Variants in URB1 observed in about 807,000 individuals in gnomAD.
URB1 encodes the protein nucleolar pre-ribosomal-associated protein 1.
Under a neutral mutation model 242.3 loss-of-function variants are expected in URB1, and 197 were observed. The observed-to-expected ratio is 0.81, with a 90% CI of 0.72 to 0.91. URB1 has a LOEUF of 0.91. URB1 is among the 40% of genes least tolerant of loss of function. The probability of loss-of-function intolerance (pLI) is 0.00; values close to 1 mark genes in which losing one functional copy is unlikely to be tolerated. For missense variants in URB1, 2,721 were observed against 2,860.5 expected, an observed-to-expected ratio of 0.95 and a Z score of 1.11; for synonymous variants, 1,153 against 1,201.8, an observed-to-expected ratio of 0.96 and a Z score of 0.84.
Position 32,385,708 on chromosome 21 carries a change from C to T in URB1, c.143-24G>A, listed in dbSNP as rs533344128. The T allele has an allele frequency of 1.3e-4, 202 of 1,549,728 alleles. 2 individuals are homozygous for T. In the African/African-American group the frequency reaches 2.5e-3, roughly 19 times the overall value. On this transcript the variant is annotated intron_variant, in intron 1 of 38. Transcript: ENST00000382751. ...GCCTGAAAAAAAAGTTATGTTCAAA[C>T]ATTAACAAGGTCAGTCTTCTTAGAA...
At position 32,338,732 on chromosome 21, in the gene URB1, C is replaced by T; in HGVS notation, c.4485G>A (p.Glu1495=). The change falls in exon 26 of 39, where the codon GAG becomes GAA. Residue 1495 remains glutamate (E), a synonymous_variant. Transcript: ENST00000382751. ...CTTTTACTTGGCTGTCCGGGCTCTC[C>T]TCTCCGTCAGACGTCAGTAGAGTCG... ...FLPTLLTSDG[E]ESPDSQVKEA... 6.4e-7 allele frequency: 1 copy of T among 1,551,560 alleles called. No individual in the cohort carries two copies. Among genetic ancestry groups the T allele is most frequent in the Non-Finnish European group, 8.7e-7 (1 of 1,146,960 alleles).
intron 30 of URB1, among the ~76,000 whole-genome samples, chr21:32,328,068 T>C (rs1436982844): frequency 1.3e-5 from 2 of 152,192 alleles, no homozygotes; most frequent in Non-Finnish European, 2.9e-5. Context: ...AGACTAAAAG[T>C]GAAAGGATGA....
At chr21:32,345,976 G>C (rs1391010075) in intron 22 of URB1, among the ~76,000 whole-genome samples, 2 of 152,214 alleles carry the variant, frequency 1.3e-5, no homozygotes, top group African/African-American at 4.8e-5. Flanking sequence ...GTTGAAATGT[G>C]ATCTCCAGTG....
chr21:32,318,636 C>T (rs775457470), intron 36 of URB1, among the ~76,000 whole-genome samples: 1 of 152,138 alleles, frequency 6.6e-6, no homozygotes. Flanking sequence ...TAACTTGGCT[C>T]CCAAATCAGA....
At chr21:32,378,230 A>T (rs1377602237) in intron 5 of URB1, among the ~76,000 whole-genome samples, 2 of 152,174 alleles carry the variant, frequency 1.3e-5, no homozygotes, top group Non-Finnish European at 2.9e-5. Flanking sequence ...AGACGGCATA[A>T]CAGGAACAAC....
At chr21:32,328,690 A>G (rs2032859287) in intron 30 of URB1, among the ~76,000 whole-genome samples, 1 of 152,216 alleles carries the variant, frequency 6.6e-6, no homozygotes, top group East Asian at 1.9e-4. Flanking sequence ...ATTTTTAGTA[A>G]TCACTGACAT....
intron 28 of URB1, among the ~76,000 whole-genome samples, chr21:32,336,427 T>C (rs2032960397): frequency 6.6e-6 from 1 of 151,956 alleles, no homozygotes; most frequent in Admixed American, 6.6e-5. Context: ...TAGTCCCAAA[T>C]GGCAAGGAGA....
chr21:32,382,268 G>A (rs554833087), intron 4 of URB1, among the ~76,000 whole-genome samples: 2 of 152,306 alleles, frequency 1.3e-5, no homozygotes, highest in South Asian at 2.1e-4. Flanking sequence ...ATTTGCCCTC[G>A]TCTGCAAATA....
At chr21:32,329,819 G>A (rs1229705452) in intron 30 of URB1, among the ~76,000 whole-genome samples, 1 of 152,202 alleles carries the variant, frequency 6.6e-6, no homozygotes, top group African/African-American at 2.4e-5. Context: ...ATACAGTTGA[G>A]AACTTCTGCT....
intron 30 of URB1, among the ~76,000 whole-genome samples, chr21:32,330,325 G>A (rs902218985): frequency 2.0e-4 from 30 of 149,828 alleles, no homozygotes; most frequent in African/African-American, 7.4e-4. Context: ...TTTCAAATTG[G>A]GATAGGCAAG....
rs2032708588 is a variant in URB1 at position 32,317,683 on chromosome 21, C to T, written c.6027G>A (p.Glu2009=). ...RAAIEKAQAR[E]LMKMLKDKNK... ...CTGGGTTCTGACACTCACTCATGAG[C>T]TCCCGGGCTTGGGCCTTCTCAATGG... Residue 2009 remains glutamate, a synonymous_variant, in exon 37 of 39, where the codon GAG becomes GAA. Coordinates refer to ENST00000382751, the MANE Select transcript of URB1 (RefSeq NM_014825.3). 1 of 1,551,578 alleles carries T rather than the reference C, an allele frequency of 6.4e-7. No individual in the cohort carries two copies. Among genetic ancestry groups the T allele is most frequent in the African/African-American group, 1.4e-5 (1 of 73,054 alleles).
Position 32,378,500 on chromosome 21 carries a change from G to C in URB1, c.609C>G (p.Leu203=). Residue 203 remains leucine, a synonymous_variant, in exon 5 of 39, where the codon CTC becomes CTG. Coordinates refer to ENST00000382751, the MANE Select transcript of URB1 (RefSeq NM_014825.3). ...TGTCATCACCCGCAATTAAAAAGGA[G>C]AGAGCAAACTGAACGTAGGCCTGCC... The part of the protein sequence containing the change: ...DVRQAYVQFA[L]SFLIAGDDST... 6.4e-7 allele frequency: 1 copy of C among 1,551,672 alleles called. No individual in the cohort carries two copies. Among genetic ancestry groups the C allele is most frequent in the Non-Finnish European group, 8.7e-7 (1 of 1,147,002 alleles).
chr21:32,326,373 T>A (rs545727056), intron 30 of URB1, among the ~76,000 whole-genome samples: 1 of 152,212 alleles, frequency 6.6e-6, no homozygotes, highest in East Asian at 1.9e-4. Context: ...TAAGAGATAG[T>A]CCATTGATGA....
In URB1 at chr21:32,325,259, C is replaced by CA; in HGVS notation, c.5090dup (p.Leu1697PhefsTer64). The CA allele has an allele frequency of 6.4e-7, 1 of 1,551,700 alleles. No individual in the cohort carries two copies. The highest frequency in any genetic ancestry group is 8.7e-7 in the Non-Finnish European group (1 of 1,146,974). On this transcript the variant is annotated frameshift_variant, in exon 31 of 39. Coordinates refer to ENST00000382751, the MANE Select transcript of URB1 (RefSeq NM_014825.3). LOFTEE classifies it high-confidence loss of function. ...ACTGCTCTTGGAACCGTGCGCCCTC[C>CA]AAGTGCGAGTAGTAGGCCGCCAGGA...
Position 32,315,036 on chromosome 21 carries a change from T to C in URB1, c.6698A>G (p.Asp2233Gly). 1 of 1,550,830 alleles carries C rather than the reference T, an allele frequency of 6.4e-7. No homozygotes were observed. The highest frequency in any genetic ancestry group is 8.7e-7 in the Non-Finnish European group (1 of 1,146,490). The change falls in exon 39 of 39, where the codon GAC becomes GGC. Residue 2233 changes from aspartate (D) to glycine (G), a missense_variant. Asp to Gly is a moderately conservative substitution (Grantham distance 94). Transcript: ENST00000382751. Reference sequence around the variant, plus strand: ...CATCCGGACGTGGGTTAAGAGGGTGTCCGGCCGCTGAGCCCCCAGCCAGAT... The same window carrying C: ...CATCCGGACGTGGGTTAAGAGGGTGCCCGGCCGCTGAGCCCCCAGCCAGAT... ...KDIWLGAQRP[D>G]TLLTHVRMVC...
chr21:32,384,226 A>C (rs903997114), intron 3 of URB1, 87 bp downstream of exon 3: 6 of 1,443,458 alleles, frequency 4.2e-6, no homozygotes, highest in Non-Finnish European at 5.6e-6. Context: ...CTAGCCATAA[A>C]GGTACTGACC....
intron 30 of URB1, 98 bp downstream of exon 30, chr21:32,333,219 G>C: frequency 5.3e-6 from 5 of 950,686 alleles, no homozygotes; most frequent in Middle Eastern, 2.1e-4. Flanking sequence ...CAAGATTCAG[G>C]TCCTCATGTG....
At chr21:32,368,920 A>T (rs1370902923) in intron 8 of URB1, among the ~76,000 whole-genome samples, 6 of 152,180 alleles carry the variant, frequency 3.9e-5, no homozygotes, top group Non-Finnish European at 1.5e-5. Context: ...GCTCTACCTC[A>T]GCCACCTACC....
Position 32,379,096 on chromosome 21 carries a change from G to C in URB1, c.568-555C>G, listed in dbSNP as rs551184405. 3.9e-5 allele frequency among the ~76,000 whole-genome samples: 6 copies of C among 152,316 alleles called. No homozygotes were observed. In the East Asian group the frequency reaches 1.2e-3, roughly 29 times the overall value. On this transcript the variant is annotated intron_variant, in intron 4 of 38. Transcript: ENST00000382751. Reference sequence around the variant, plus strand: ...ACTAACCCTGTTAGGCCTTCCCAGGGTTGTAGCCAGCACTGTCCACATGCA... The same window carrying C: ...ACTAACCCTGTTAGGCCTTCCCAGGCTTGTAGCCAGCACTGTCCACATGCA...
Sources: allele counts gnomAD v4.1 joint callset (sites outside exome capture counted in the v4.1 genomes callset), GRCh38; gene constraint gnomAD v4.1.1; transcripts MANE v1.5; gene names NCBI Gene and HGNC (gene_info 2026-07-23, HGNC 2026-07-21).